Variants in MICAL3 observed in about 807,000 individuals in gnomAD.
MICAL3 encodes the protein microtubule associated monooxygenase, calponin and LIM domain containing 3, also known as [F-actin]-monooxygenase MICAL3.
MICAL3 carries 62 observed loss-of-function variants against 207.4 expected under a neutral mutation model. The observed-to-expected ratio is 0.30, with a 90% CI of 0.24 to 0.37. The LOEUF (loss-of-function observed/expected upper bound fraction) is 0.37, where lower values mean the gene tolerates loss of function less well. Ranked by LOEUF, MICAL3 falls within the 10% of genes least tolerant of loss-of-function variation. The pLI is 1.00. For missense variants in MICAL3, 2,368 were observed against 2,635.6 expected (o/e 0.90, Z 2.22); for synonymous variants, 1,077 against 1,069.3 (o/e 1.01, Z -0.14).
chr22:17,834,671 C>T (rs775753637), intron 20 of MICAL3: 24 of 950,664 alleles, frequency 2.5e-5, no homozygotes, highest in Non-Finnish European at 3.0e-5. Flanking sequence ...GGGCGGAGGG[C>T]CAGGAGGAGA....
At chr22:17,976,825 T>TG (rs1935678591) in intron 1 of MICAL3, among the ~76,000 whole-genome samples, 2 of 147,646 alleles carry the variant, frequency 1.4e-5, no homozygotes, top group Admixed American at 6.7e-5. Context: ...TTTTTTTTTT[T>TG]AGATGGAGTC....
Position 17,998,243 on chromosome 22 carries a change from A to G in MICAL3, c.-75+26038T>C, listed in dbSNP as rs373315427. 8.5e-4 allele frequency among the ~76,000 whole-genome samples: 111 copies of G among 131,138 alleles called. 2 individuals carry two copies. The East Asian group carries it at 0.018, about 21-fold the overall frequency. 86.0% of individuals were successfully genotyped at this position (131,138 alleles called of 152,430 possible). ...CGCTCGAACCCAGGAGGCAGAGTGC[A>G]TGAGCCAAGACTGCGCCATTGCACT... On this transcript the variant is annotated intron_variant, in intron 1 of 31. Coordinates refer to ENST00000441493, the MANE Select transcript of MICAL3 (RefSeq NM_015241.3).
intron 1 of MICAL3, among the ~76,000 whole-genome samples, chr22:17,967,489 CA>C (rs1935199609): frequency 8.4e-6 from 1 of 118,620 alleles, no homozygotes; most frequent in Non-Finnish European, 2.1e-5. Flanking sequence ...CACACACACA[CA>C]CACCCACACA....
At chr22:18,008,550 A>G (rs1412716126) in intron 1 of MICAL3, among the ~76,000 whole-genome samples, 1 of 152,166 alleles carries the variant, frequency 6.6e-6, no homozygotes, top group African/African-American at 2.4e-5. Context: ...GAAAGGCTCC[A>G]TGTTCTTGCC....
chr22:17,921,766 G>T (rs1460101610), intron 1 of MICAL3, among the ~76,000 whole-genome samples: 1 of 152,100 alleles, frequency 6.6e-6, no homozygotes, highest in Non-Finnish European at 1.5e-5. Flanking sequence ...TGGGATTACA[G>T]GTATGAGCCA....
intron 16 of MICAL3, chr22:17,875,248 C>T (rs1489863003): frequency 1.1e-5 from 4 of 354,336 alleles, no homozygotes; most frequent in African/African-American, 4.3e-5. Context: ...AAGCCAGCAG[C>T]CACTTTAGCT....
intron 29 of MICAL3, among the ~76,000 whole-genome samples, chr22:17,798,611 C>T (rs1410666157): frequency 6.6e-6 from 1 of 151,474 alleles, no homozygotes; most frequent in Non-Finnish European, 1.5e-5. Flanking sequence ...TTACTGCTAA[C>T]TATAGTACCA....
chr22:17,969,655 G>A (rs182117150), intron 1 of MICAL3, among the ~76,000 whole-genome samples: 6 of 152,300 alleles, frequency 3.9e-5, no homozygotes, highest in Non-Finnish European at 8.8e-5. Flanking sequence ...ACTCTGTTCT[G>A]TGGAATTCTA....
At chr22:17,889,269 G>C in intron 12 of MICAL3, 39 bp from the exon 13 acceptor site, 1 of 1,483,224 alleles carries the variant, frequency 6.7e-7, no homozygotes, top group South Asian at 1.2e-5. Flanking sequence ...AAGATAGGTT[G>C]ACAGTCCTTA....
At chr22:17,890,880 T>A (rs1930339625) in intron 12 of MICAL3, among the ~76,000 whole-genome samples, 1 of 152,220 alleles carries the variant, frequency 6.6e-6, no homozygotes, top group Non-Finnish European at 1.5e-5. Context: ...ACCCTAGAAC[T>A]CTGATTCTGT....
At chr22:17,877,441 G>GGGAGGTTATGGAGGTTAT (rs1318717132) in intron 16 of MICAL3, among the ~76,000 whole-genome samples, 2 of 102,596 alleles carry the variant, frequency 1.9e-5, no homozygotes, top group African/African-American at 1.0e-4. Context: ...ATGGAGGTGA[G>GGGAGGTTATGGAGGTTAT]GGAGGTTATG....
intron 1 of MICAL3, among the ~76,000 whole-genome samples, chr22:17,942,642 C>T (rs150882933): frequency 5.1e-4 from 77 of 152,338 alleles, no homozygotes; most frequent in Middle Eastern, 3.4e-3. Context: ...TGCTGTAGGG[C>T]CACTGCGGAA....
intron 25 of MICAL3, among the ~76,000 whole-genome samples, 194 bp from the exon 26 acceptor site, chr22:17,819,323 C>T (rs1921288773): frequency 6.6e-6 from 1 of 152,138 alleles, no homozygotes; most frequent in South Asian, 2.1e-4. Context: ...TGTTTAGAAC[C>T]TTAGAACCAC....
At chr22:18,004,053 CCACTG>C in intron 1 of MICAL3, among the ~76,000 whole-genome samples, 1 of 152,200 alleles carries the variant, frequency 6.6e-6, no homozygotes, top group East Asian at 1.9e-4. Flanking sequence ...CAGGCATGAG[CCACTG>C]CGCCTGGCCC....
At chr22:17,827,590 C>A (rs1477334479) in intron 22 of MICAL3, 54 bp downstream of exon 22, 52 of 1,497,610 alleles carry the variant, frequency 3.5e-5, no homozygotes, top group Non-Finnish European at 4.0e-5. Context: ...GCGACAGAGG[C>A]AGCAGGCGGG....
intron 29 of MICAL3, among the ~76,000 whole-genome samples, chr22:17,798,894 C>T (rs1303439275): frequency 2.6e-5 from 4 of 151,794 alleles, no homozygotes; most frequent in Admixed American, 6.6e-5. Context: ...AGGATGGTCT[C>T]GATCTCCTGA....
rs1182152078 is a variant in MICAL3 at position 17,994,622 on chromosome 22, G to C, written c.-75+29659C>G. 1.3e-5 allele frequency among the ~76,000 whole-genome samples: 2 copies of C among 152,098 alleles called. 1 individual carries two copies. Among genetic ancestry groups the C allele is most frequent in the African/African-American group, 4.8e-5 (2 of 41,406 alleles). ...CAGCTACTCAGGAGGCTGAGGTTGG[G>C]GGATGGCCTGGCCCAGGAGGTCAAG... On this transcript the variant is annotated intron_variant, in intron 1 of 31. Transcript: ENST00000441493.
chr22:17,841,910 C>A lies in MICAL3; in HGVS notation c.2713G>T (p.Ala905Ser). The change falls in exon 20 of 32, where the codon GCA (alanine) becomes TCA (serine). Residue 905 changes from alanine to serine, a missense_variant. Coordinates refer to ENST00000441493, the MANE Select transcript of MICAL3 (RefSeq NM_015241.3). The surrounding 1 kb of genome is among the most constrained non-coding windows in gnomAD (Gnocchi z 4.2). Reference sequence around the variant, plus strand: ...GTCTCCTCCGGTACCTCCTGCAGTGCCTCAGCCTGCCTCAGGGACAGGCGG... The same window carrying A: ...GTCTCCTCCGGTACCTCCTGCAGTGACTCAGCCTGCCTCAGGGACAGGCGG... Reference protein sequence around the residue: ...NYRLSLRQAEALQEVPEETQA... With the variant: ...NYRLSLRQAESLQEVPEETQA... 2 of 1,591,644 alleles carry A rather than the reference C, an allele frequency of 1.3e-6. No individual in the cohort carries two copies. The highest frequency in any genetic ancestry group is 2.3e-5 in the South Asian group (2 of 87,618).
intron 1 of MICAL3, chr22:17,980,875 A>C (rs1158405182): frequency 1.9e-6 from 1 of 530,622 alleles, no homozygotes; most frequent in African/African-American, 1.9e-5. Flanking sequence ...CTGCACCCTC[A>C]CTTCCGACTA....
Sources: allele counts gnomAD v4.1 joint callset (sites outside exome capture counted in the v4.1 genomes callset), GRCh38; gene constraint gnomAD v4.1.1; non-coding constraint Gnocchi (gnomAD v3.1); transcripts MANE v1.5; gene names NCBI Gene and HGNC (gene_info 2026-07-23, HGNC 2026-07-21).